Variants in TASP1 observed in about 807,000 individuals in gnomAD.
TASP1 encodes threonine aspartase 1.
Under a neutral mutation model 56.6 loss-of-function variants are expected in TASP1, and 16 were observed. That is an observed-to-expected ratio of 0.28 (90% CI 0.19 to 0.43). The LOEUF (loss-of-function observed/expected upper bound fraction) is 0.43. Among genes scored for constraint, TASP1 ranks in the 20% least tolerant of loss-of-function variants. TASP1 has a pLI of 1.00. For synonymous variants in TASP1, 179 were observed against 184.2 expected (o/e 0.97, Z 0.23); for missense variants, 393 against 511.6 (o/e 0.77, Z 2.24).
rs565851230 is a variant in TASP1 at position 13,416,740 on chromosome 20, TGAACAAGAA to T, written c.1170+699_1170+707del. 2.5e-4 allele frequency among the ~76,000 whole-genome samples: 38 copies of T among 152,308 alleles called. No homozygotes were observed. In the South Asian group the frequency reaches 7.3e-3, roughly 29 times the overall value. On this transcript the variant is annotated intron_variant, in intron 13 of 13. Coordinates refer to ENST00000337743, the MANE Select transcript of TASP1 (RefSeq NM_017714.3). ...GCCACAGCTGTTTCTAAAAAATTTA[TGAACAAGAA>T]GAACATGAGGCCAATATAAAATAAA...
chr20:13,459,870 G>C (rs1033703714), intron 11 of TASP1, among the ~76,000 whole-genome samples: 1 of 151,934 alleles, frequency 6.6e-6, no homozygotes, highest in Non-Finnish European at 1.5e-5. Context: ...ACCTCTGCCC[G>C]AACACACACA....
intron 10 of TASP1, among the ~76,000 whole-genome samples, chr20:13,496,256 T>C (rs1326889051): frequency 1.3e-5 from 2 of 152,112 alleles, no homozygotes; most frequent in Non-Finnish European, 2.9e-5. Context: ...GGTTTTGCCA[T>C]GTTGGCCAGG....
At chr20:13,185,759 G>A in the TASP1 span, among the ~76,000 whole-genome samples, 4 of 152,034 alleles carry the variant, frequency 2.6e-5, no homozygotes, top group African/African-American at 9.7e-5. Context: ...CAACAACATT[G>A]CAAAGTAACT....
rs148264139 is a variant in TASP1, at chr20:13,593,644, C to A, written c.283-6274G>T. On this transcript the variant is annotated intron_variant, in intron 4 of 13. Coordinates refer to ENST00000337743, the MANE Select transcript of TASP1 (RefSeq NM_017714.3). ...CAACCTGCGAGGCTGCAGCCTGGTGCGGGAAGGGGCGTCCACCATTGCTGA... is the reference window on the plus strand; with the variant it reads ...CAACCTGCGAGGCTGCAGCCTGGTGAGGGAAGGGGCGTCCACCATTGCTGA... Among the ~76,000 whole-genome samples, 111 of 152,234 alleles carry A rather than the reference C, an allele frequency of 7.3e-4. No homozygotes were observed. The Middle Eastern group carries it at 0.01, about 14-fold the overall frequency.
chr20:13,445,635 A>C (rs900330407), intron 11 of TASP1, among the ~76,000 whole-genome samples: 1 of 152,148 alleles, frequency 6.6e-6, no homozygotes, highest in Non-Finnish European at 1.5e-5. Flanking sequence ...TAGTTCCAGC[A>C]TTCTCCATGA....
chr20:13,139,204 G>A, the TASP1 span, among the ~76,000 whole-genome samples: 53 of 152,246 alleles, frequency 3.5e-4, no homozygotes, highest in African/African-American at 1.2e-3. Flanking sequence ...AAGAGGTTGA[G>A]AAACTAAAAC....
At chr20:13,563,176 T>C (rs557382207) in intron 7 of TASP1, among the ~76,000 whole-genome samples, 5 of 151,404 alleles carry the variant, frequency 3.3e-5, no homozygotes, top group East Asian at 3.9e-4. Context: ...TACCCAAATA[T>C]TGAATGGCCT....
the TASP1 span, among the ~76,000 whole-genome samples, chr20:13,285,361 C>G: frequency 6.6e-6 from 1 of 152,154 alleles, no homozygotes; most frequent in African/African-American, 2.4e-5. Flanking sequence ...GAGTTCTCTC[C>G]CTCACAAGTC....
intron 10 of TASP1, among the ~76,000 whole-genome samples, chr20:13,500,741 GAATA>G (rs1319450076): frequency 4.6e-5 from 7 of 151,848 alleles, no homozygotes; most frequent in African/African-American, 1.7e-4. Context: ...GGAAAAGAAT[GAATA>G]AATAGGAATG....
At chr20:13,404,569 G>A (rs2041849894) in intron 13 of TASP1, among the ~76,000 whole-genome samples, 1 of 152,174 alleles carries the variant, frequency 6.6e-6, no homozygotes, top group African/African-American at 2.4e-5. Flanking sequence ...TTGTGCCACT[G>A]CACTCCAAGT....
At chr20:13,153,797 T>G in the TASP1 span, among the ~76,000 whole-genome samples, 1 of 152,078 alleles carries the variant, frequency 6.6e-6, no homozygotes, top group African/African-American at 2.4e-5. Flanking sequence ...ACCCTCCACC[T>G]CCCTTCCTGC....
chr20:13,381,787 G>A, the TASP1 span, among the ~76,000 whole-genome samples: 10 of 152,280 alleles, frequency 6.6e-5, no homozygotes, highest in South Asian at 2.1e-3. Flanking sequence ...TCTGGGTGCT[G>A]GGCAGGGCGG....
At chr20:13,155,484 A>T in the TASP1 span, among the ~76,000 whole-genome samples, 5 of 152,324 alleles carry the variant, frequency 3.3e-5, no homozygotes, top group South Asian at 1.0e-3. Context: ...CAGATTCTTC[A>T]GAGTATGCTC....
At chr20:13,574,939 AT>A (rs1172802705) in intron 6 of TASP1, among the ~76,000 whole-genome samples, 1 of 152,084 alleles carries the variant, frequency 6.6e-6, no homozygotes, top group Non-Finnish European at 1.5e-5. Context: ...ATAATGAGGA[AT>A]TTTTTTCCCA....
chr20:13,238,698 C>T, the TASP1 span, among the ~76,000 whole-genome samples: 1 of 152,194 alleles, frequency 6.6e-6, no homozygotes, highest in Non-Finnish European at 1.5e-5. Context: ...TTTGGCTTCA[C>T]ATGGAGTCTG....
At chr20:13,213,727 G>A in the TASP1 span, among the ~76,000 whole-genome samples, 16 of 152,078 alleles carry the variant, frequency 1.1e-4, 1 homozygote, top group African/African-American at 9.7e-5. Context: ...TAGCATCTCC[G>A]TATCTTGAAA....
chr20:13,221,169 C>CG, the TASP1 span, among the ~76,000 whole-genome samples: 1 of 151,424 alleles, frequency 6.6e-6, no homozygotes, highest in African/African-American at 2.4e-5. Context: ...GCGGCGAGGG[C>CG]GGGGGCGCCA....
chr20:13,394,584 C>T (rs543564139), intron 13 of TASP1, among the ~76,000 whole-genome samples: 1 of 151,832 alleles, frequency 6.6e-6, no homozygotes, highest in Non-Finnish European at 1.5e-5. Flanking sequence ...TGCATTCCAG[C>T]CTGGGCGACA....
chr20:13,140,864 C>T, the TASP1 span, among the ~76,000 whole-genome samples: 23 of 152,188 alleles, frequency 1.5e-4, no homozygotes, highest in African/African-American at 4.3e-4. Context: ...TCACTTTGTG[C>T]GAATTATTTC....
Sources: gnomAD v4.1 joint callset for allele counts (sites outside exome capture counted in the v4.1 genomes callset) on GRCh38, gnomAD v4.1.1 for gene constraint, MANE v1.5 for transcripts, NCBI Gene and HGNC (gene_info 2026-07-23, HGNC 2026-07-21) for gene names.